The following PUDP variants were observed in gnomAD, a reference collection of about 807,000 sequenced individuals.
PUDP encodes pseudouridine 5'-phosphatase, also known as pseudouridine-5'-phosphatase.
Under a neutral mutation model 9.4 loss-of-function variants are expected in PUDP, and 8 were observed. The observed-to-expected ratio is 0.85, with a 90% CI of 0.50 to 1.53. The LOEUF (loss-of-function observed/expected upper bound fraction) is 1.53, where lower values mean the gene tolerates loss of function less well. PUDP is among the 40% of genes most tolerant of loss of function. The probability of loss-of-function intolerance (pLI) is 0.00; values close to 1 mark genes in which losing one functional copy is unlikely to be tolerated. For missense variants in PUDP, 188 were observed against 189.7 expected (o/e 0.99, Z 0.05); for synonymous variants, 99 against 80.7 (o/e 1.23, Z -1.22).
intron 3 of PUDP, among the ~76,000 whole-genome samples, chrX:6,934,267 G>C (rs1928256590): frequency 9.6e-6 from 1 of 104,355 alleles, no homozygotes; most frequent in African/African-American, 3.5e-5. Flanking sequence ...AAGCCCATCA[G>C]ACTAACAGCG....
chrX:6,824,237 C>T (rs968922657), intron 3 of PUDP, among the ~76,000 whole-genome samples: 6 of 111,493 alleles, frequency 5.4e-5, no homozygotes, highest in African/African-American at 1.6e-4. Flanking sequence ...CGACACTTCT[C>T]CTTGCTGCCA....
intron 3 of PUDP, among the ~76,000 whole-genome samples, chrX:6,913,195 T>C (rs777323777): frequency 8.9e-6 from 1 of 111,861 alleles, no homozygotes; most frequent in East Asian, 2.8e-4. Flanking sequence ...AAGAGATCAA[T>C]ATATTTATGT....
intron 3 of PUDP, among the ~76,000 whole-genome samples, chrX:6,846,409 CAAA>C (rs55712277): frequency 7.9e-5 from 5 of 63,396 alleles, no homozygotes; most frequent in Non-Finnish European, 6.1e-5. Context: ...GACTCCCTCT[CAAA>C]AAAAAAAAAA....
intron 3 of PUDP, among the ~76,000 whole-genome samples, chrX:6,919,858 C>CAAAAAAAAAAAAAAAAAA (rs58441346): frequency 1.1e-4 from 3 of 26,501 alleles, no homozygotes; most frequent in African/African-American, 4.5e-4. Flanking sequence ...GACTCCATCT[C>CAAAAAAAAAAAAAAAAAA]AAAAAAAAAA....
chrX:7,027,588 T>C (rs1426838788), intron 1 of PUDP, among the ~76,000 whole-genome samples: 1 of 100,595 alleles, frequency 9.9e-6, no homozygotes, highest in African/African-American at 3.6e-5. Flanking sequence ...AGAGAGAATA[T>C]AGAGAGAATT....
chrX:7,099,720 C>T (rs1931672568), intron 2 of PUDP, among the ~76,000 whole-genome samples: 3 of 112,228 alleles, frequency 2.7e-5, no homozygotes, highest in African/African-American at 9.7e-5. Context: ...TATACCATGA[C>T]CAGGCAGACT....
Position 6,825,303 on chromosome X carries a change from C to G in PUDP, c.*248-118837G>C, listed in dbSNP as rs1416218302. Among the ~76,000 whole-genome samples, 3 of 111,550 alleles carry G rather than the reference C, an allele frequency of 2.7e-5. No individual in the cohort carries two copies. In the East Asian group the frequency reaches 8.5e-4, roughly 31 times the overall value. On this transcript the variant is annotated intron_variant and NMD_transcript_variant, in intron 3 of 3. Coordinates refer to the PUDP transcript ENST00000655425. ...AGAGAAATGAAAATCACACATCACC[C>G]TGCAGCAAAACAGCTTCCAAATGAA... is the stretch of plus-strand genomic sequence containing the variant.
chrX:7,143,488 T>A (rs1277755882), intron 1 of PUDP, among the ~76,000 whole-genome samples: 1 of 112,383 alleles, frequency 8.9e-6, no homozygotes, highest in Non-Finnish European at 1.9e-5. Flanking sequence ...GACAAAACTC[T>A]TATTATTTAT....
chrX:6,836,769 C>T (rs1224203779), intron 3 of PUDP, among the ~76,000 whole-genome samples: 1 of 112,073 alleles, frequency 8.9e-6, no homozygotes. Context: ...TGTAAGAAAA[C>T]ATTCATAAGT....
intron 3 of PUDP, among the ~76,000 whole-genome samples, chrX:6,776,289 TGGGAGGCCAA>T (rs764657980): frequency 1.7e-4 from 19 of 110,041 alleles, no homozygotes; most frequent in Non-Finnish European, 3.2e-4. Flanking sequence ...CCAAGCACCT[TGGGAGGCCAA>T]GGTGAGCAAA....
intron 3 of PUDP, among the ~76,000 whole-genome samples, chrX:6,753,843 T>C (rs1290056619): frequency 3.6e-5 from 4 of 111,977 alleles, no homozygotes; most frequent in Non-Finnish European, 7.5e-5. Context: ...CCTTGTTGAT[T>C]TGTTTGAGTT....
intron 3 of PUDP, among the ~76,000 whole-genome samples, chrX:6,976,248 GA>G (rs767201471): frequency 1.0e-3 from 111 of 111,420 alleles, no homozygotes; most frequent in Non-Finnish European, 1.9e-3. Flanking sequence ...ACTGGGGTAT[GA>G]AAAAAAATCT....
chrX:6,938,669 G>T (rs1164046071), intron 3 of PUDP, among the ~76,000 whole-genome samples: 2 of 108,659 alleles, frequency 1.8e-5, no homozygotes, highest in Non-Finnish European at 3.8e-5. Context: ...TTAAAGTGAG[G>T]ACTAAATCTC....
chrX:7,121,832 A>G (rs1178822765), intron 1 of PUDP, among the ~76,000 whole-genome samples: 3 of 111,877 alleles, frequency 2.7e-5, no homozygotes, highest in Non-Finnish European at 5.6e-5. Context: ...GAGCTCTACC[A>G]TATCTTTAAG....
intron 1 of PUDP, among the ~76,000 whole-genome samples, chrX:7,024,921 G>A (rs1021259074): frequency 9.1e-6 from 1 of 109,376 alleles, no homozygotes; most frequent in African/African-American, 3.3e-5. Context: ...GTCTGAGTGT[G>A]TGTGCATGAT....
chrX:6,872,531 T>C (rs1346224586), intron 3 of PUDP, among the ~76,000 whole-genome samples: 2 of 108,556 alleles, frequency 1.8e-5, no homozygotes, highest in African/African-American at 3.4e-5. Context: ...AAACCCTGTC[T>C]CTACTAAAAA....
At chrX:6,947,002 T>G (rs1261170991) in intron 3 of PUDP, among the ~76,000 whole-genome samples, 2 of 18,554 alleles carry the variant, frequency 1.1e-4, no homozygotes, top group East Asian at 1.8e-3. Flanking sequence ...TGTTTGTTTG[T>G]TTTTTTTTTT....
chrX:6,990,911 T>C (rs1450671702), intron 1 of PUDP, among the ~76,000 whole-genome samples: 1 of 112,357 alleles, frequency 8.9e-6, no homozygotes, highest in Admixed American at 9.4e-5. Context: ...TACAGAGTCC[T>C]GGTTTCGGGT....
At chrX:6,892,071 C>T (rs1036401564) in intron 3 of PUDP, among the ~76,000 whole-genome samples, 1 of 111,899 alleles carries the variant, frequency 8.9e-6, no homozygotes, top group Admixed American at 9.5e-5. Context: ...ATTAGGGTTG[C>T]AGGACAAAAT....
Sources: gnomAD v4.1 joint callset for allele counts (sites outside exome capture counted in the v4.1 genomes callset) on GRCh38, gnomAD v4.1.1 for gene constraint, MANE v1.5 for transcripts, NCBI Gene and HGNC (gene_info 2026-07-23, HGNC 2026-07-21) for gene names.